LRMDA: variants seen among roughly 807,000 people sequenced by gnomAD.
LRMDA encodes leucine rich melanocyte differentiation associated.
A neutral mutation model predicts 29.8 loss-of-function variants in LRMDA; 18 were observed. The observed-to-expected ratio is 0.60, with a 90% CI of 0.42 to 0.90. LRMDA has a LOEUF of 0.90. LRMDA is among the 40% of genes least tolerant of loss of function. The probability of loss-of-function intolerance (pLI) is 0.00; values close to 1 mark genes in which losing one functional copy is unlikely to be tolerated. For missense variants in LRMDA, 273 were observed against 273.9 expected, an observed-to-expected ratio of 1.00 and a Z score of 0.02; for synonymous variants, 125 against 109.4, an observed-to-expected ratio of 1.14 and a Z score of -0.89.
chr10:75,778,625 C>T (rs1410657076), intron 2 of LRMDA, among the ~76,000 whole-genome samples: 1 of 152,152 alleles, frequency 6.6e-6, no homozygotes, highest in African/African-American at 2.4e-5. Flanking sequence ...TAGGATCAGA[C>T]ATAACTCCTA....
chr10:75,686,218 A>G (rs983548024), intron 2 of LRMDA, among the ~76,000 whole-genome samples: 1 of 152,218 alleles, frequency 6.6e-6, no homozygotes, highest in Admixed American at 6.5e-5. Context: ...AGCTGGGCAT[A>G]TGAGAGCATT....
chr10:76,106,569 A>G (rs7903332), intron 5 of LRMDA, among the ~76,000 whole-genome samples: 5,403 of 152,252 alleles, frequency 0.035, 256 homozygotes, highest in African/African-American at 0.11. Flanking sequence ...CGTCACAAGC[A>G]TCTATGTGAT....
intron 5 of LRMDA, among the ~76,000 whole-genome samples, chr10:76,121,121 G>A (rs574883516): frequency 6.6e-6 from 1 of 151,564 alleles, no homozygotes; most frequent in East Asian, 1.9e-4. Flanking sequence ...ATCTCAATTT[G>A]CCAGCTCTAG....
At chr10:75,955,073 G>C (rs1340610007) in intron 2 of LRMDA, among the ~76,000 whole-genome samples, 1 of 152,140 alleles carries the variant, frequency 6.6e-6, no homozygotes, top group African/African-American at 2.4e-5. Flanking sequence ...AAATCATGCT[G>C]TATTAAAATC....
At chr10:76,378,532 T>C (rs976619640) in intron 6 of LRMDA, among the ~76,000 whole-genome samples, 4 of 152,158 alleles carry the variant, frequency 2.6e-5, no homozygotes, top group South Asian at 2.1e-4. Flanking sequence ...TATATGTCTT[T>C]TATTATTTTG....
At chr10:75,805,399 T>G (rs1443552577) in intron 2 of LRMDA, among the ~76,000 whole-genome samples, 1 of 152,224 alleles carries the variant, frequency 6.6e-6, no homozygotes, top group Non-Finnish European at 1.5e-5. Context: ...TGAAGGAACC[T>G]TGGAGGTTAG....
At chr10:76,422,064 T>C (rs1290963057) in intron 6 of LRMDA, among the ~76,000 whole-genome samples, 1 of 152,088 alleles carries the variant, frequency 6.6e-6, no homozygotes, top group African/African-American at 2.4e-5. Context: ...CCACCTGTGA[T>C]GTAGTTTTTC....
intron 5 of LRMDA, among the ~76,000 whole-genome samples, chr10:76,272,479 C>T (rs539645087): frequency 1.3e-5 from 2 of 152,252 alleles, no homozygotes; most frequent in African/African-American, 4.8e-5. Context: ...TCTGACATCA[C>T]AAAGGTTTGG....
chr10:76,459,189 C>A (rs889539589), intron 6 of LRMDA, among the ~76,000 whole-genome samples: 1 of 152,122 alleles, frequency 6.6e-6, no homozygotes, highest in African/African-American at 2.4e-5. Context: ...GAAATCAAAA[C>A]CTCCTTGCCA....
At chr10:75,528,504 C>T (rs1367959040) in intron 2 of LRMDA, among the ~76,000 whole-genome samples, 1 of 152,144 alleles carries the variant, frequency 6.6e-6, no homozygotes, top group Non-Finnish European at 1.5e-5. Context: ...GTAGCCAAGC[C>T]TTTATCCCTG....
At chr10:76,299,156 C>CGT (rs111635114) in intron 5 of LRMDA, among the ~76,000 whole-genome samples, 39,333 of 147,096 alleles carry the variant, frequency 0.27, 5,138 homozygotes, top group East Asian at 0.33. Flanking sequence ...AGAGAAGAGC[C>CGT]GTGTGTGTGT....
At chr10:75,578,238 A>AAAAAAAAAAC (rs1564805418) in intron 2 of LRMDA, among the ~76,000 whole-genome samples, 3 of 147,940 alleles carry the variant, frequency 2.0e-5, no homozygotes, top group Non-Finnish European at 3.0e-5. Flanking sequence ...AAAAAAAAAA[A>AAAAAAAAAAC]AGCAGCAGTT....
At chr10:76,386,461 A>T (rs1841660847) in intron 6 of LRMDA, among the ~76,000 whole-genome samples, 1 of 152,208 alleles carries the variant, frequency 6.6e-6, no homozygotes, top group Non-Finnish European at 1.5e-5. Flanking sequence ...AGGGACCATA[A>T]GTTGATGCCT....
intron 2 of LRMDA, among the ~76,000 whole-genome samples, chr10:75,442,349 G>A (rs1844335976): frequency 6.6e-6 from 1 of 152,210 alleles, no homozygotes; most frequent in Non-Finnish European, 1.5e-5. Flanking sequence ...CCACCATGCT[G>A]TACATTACAT....
intron 2 of LRMDA, among the ~76,000 whole-genome samples, chr10:75,652,817 G>T (rs1001968809): frequency 3.3e-5 from 5 of 152,158 alleles, no homozygotes; most frequent in Admixed American, 1.3e-4. Flanking sequence ...ATTAATGCCT[G>T]TTTCTAGTTT....
chr10:76,388,549 T>C (rs1275161153), intron 6 of LRMDA, among the ~76,000 whole-genome samples: 1 of 152,180 alleles, frequency 6.6e-6, no homozygotes, highest in Non-Finnish European at 1.5e-5. Flanking sequence ...CTCAGGGTAG[T>C]TGGATTTACA....
chr10:76,533,767 A>T (rs1309177516), intron 6 of LRMDA, among the ~76,000 whole-genome samples: 1 of 152,182 alleles, frequency 6.6e-6, no homozygotes, highest in Non-Finnish European at 1.5e-5. Context: ...AACTACTCTA[A>T]CATGGCAAAA....
At chr10:75,870,170 C>A (rs569659511) in intron 2 of LRMDA, among the ~76,000 whole-genome samples, 3 of 152,144 alleles carry the variant, frequency 2.0e-5, no homozygotes, top group Non-Finnish European at 4.4e-5. Context: ...AAAAATAATT[C>A]TTGACATATG....
intron 2 of LRMDA, among the ~76,000 whole-genome samples, chr10:75,637,017 C>T (rs1841397884): frequency 6.6e-6 from 1 of 152,176 alleles, no homozygotes. Flanking sequence ...TGCATTGACT[C>T]ATTTACTTTT....
Sources: allele counts gnomAD v4.1 joint callset (sites outside exome capture counted in the v4.1 genomes callset), GRCh38; gene constraint gnomAD v4.1.1; transcripts MANE v1.5; gene names NCBI Gene and HGNC (gene_info 2026-07-23, HGNC 2026-07-21).